ERICH1: variants seen among roughly 807,000 people sequenced by gnomAD.
ERICH1 encodes the protein glutamate rich 1.
Under a neutral mutation model 39.6 loss-of-function variants are expected in ERICH1, and 56 were observed. The observed-to-expected ratio is 1.41, with a 90% CI of 1.14 to 1.77. The LOEUF (loss-of-function observed/expected upper bound fraction) is 1.77, where lower values mean the gene tolerates loss of function less well. ERICH1 is among the 40% of genes most tolerant of loss of function. The pLI is 0.00. For missense variants in ERICH1, 826 were observed against 575.4 expected, an observed-to-expected ratio of 1.44 and a Z score of -4.45; for synonymous variants, 313 against 223.6, an observed-to-expected ratio of 1.40 and a Z score of -3.57.
chr8:647,141 C>T (rs560619758), intron 3 of ERICH1, among the ~76,000 whole-genome samples: 1 of 68,320 alleles, frequency 1.5e-5, no homozygotes, highest in African/African-American at 3.8e-5. Flanking sequence ...CCCTTGGCAG[C>T]GGTTACACGC....
downstream of ERICH1, among the ~76,000 whole-genome samples, chr8:662,947 G>T (rs1489771004): frequency 1.3e-5 from 2 of 152,208 alleles, no homozygotes; most frequent in Admixed American, 1.3e-4. Context: ...AGCGGCGCCT[G>T]CAGCTCCTGC....
rs574366499 is a variant in ERICH1 at position 622,873 on chromosome 8, G to C, written c.977-7589C>G. Among the ~76,000 whole-genome samples, 5 of 151,902 alleles carry C rather than the reference G, an allele frequency of 3.3e-5. No homozygotes were observed. The East Asian group carries it at 5.8e-4, about 18-fold the overall frequency. On this transcript the variant is annotated intron_variant, in intron 3 of 3. Transcript: ENST00000522706. ...CTCAGGATGCTGAGGTGGAAGGATT[G>C]CTTGAGCCCAGGAATTCAAGGCTGC...
At chr8:685,021 C>T (rs916312898) in intron 3 of ERICH1, among the ~76,000 whole-genome samples, 1 of 152,150 alleles carries the variant, frequency 6.6e-6, no homozygotes, top group African/African-American at 2.4e-5. Context: ...AGCAGAGAAC[C>T]GGTCTGACTA....
rs538371098 is a variant in ERICH1 at position 697,795 on chromosome 8, G to C, written c.170-5183C>G. Among the ~76,000 whole-genome samples the C allele has an allele frequency of 1.1e-4, 17 of 152,272 alleles. No homozygotes were observed. The South Asian group carries it at 3.5e-3, about 32-fold the overall frequency. On this transcript the variant is annotated intron_variant, in intron 2 of 5. Coordinates refer to ENST00000262109, the MANE Select transcript of ERICH1 (RefSeq NM_207332.3). ...TCCCTGAGCAGATTCGGGACATGCAGCAGCAGCAGCACGTGGGTCTGAGAG... is the reference window on the plus strand; with the variant it reads ...TCCCTGAGCAGATTCGGGACATGCACCAGCAGCAGCACGTGGGTCTGAGAG...
At chr8:674,622 G>A (rs1467729484) in intron 3 of ERICH1, among the ~76,000 whole-genome samples, 1 of 152,196 alleles carries the variant, frequency 6.6e-6, no homozygotes, top group Non-Finnish European at 1.5e-5. Context: ...CATTTTTATA[G>A]TAAAATTTCA....
intron 1 of ERICH1, among the ~76,000 whole-genome samples, chr8:721,236 A>G (rs1362682782): frequency 6.6e-6 from 1 of 152,260 alleles, no homozygotes; most frequent in Non-Finnish European, 1.5e-5. Context: ...CTGCTAAAAT[A>G]GAAATAATAA....
At chr8:697,074 T>C (rs73178826) in intron 2 of ERICH1, among the ~76,000 whole-genome samples, 33,403 of 152,212 alleles carry the variant, frequency 0.22, 4,436 homozygotes, top group Non-Finnish European at 0.3. Context: ...GCAGCTGGCC[T>C]TACCACTTGC....
chr8:666,361 G>C (rs746703593), intron 5 of ERICH1: 3 of 152,170 alleles, frequency 2.0e-5, no homozygotes, highest in Admixed American at 6.6e-5. Context: ...AATAAAATCA[G>C]CTTTTTTTTG....
At chr8:706,254 T>G (rs1173034727) in intron 2 of ERICH1, among the ~76,000 whole-genome samples, 2 of 152,108 alleles carry the variant, frequency 1.3e-5, no homozygotes, top group Admixed American at 6.5e-5. Context: ...ACAACAAAAA[T>G]GTAAGAGCTA....
chr8:728,441 G>A (rs1013307600), intron 1 of ERICH1, among the ~76,000 whole-genome samples: 7 of 152,162 alleles, frequency 4.6e-5, no homozygotes, highest in African/African-American at 4.8e-5. Context: ...CTCACCCATC[G>A]CAGCAGGCCC....
intron 5 of ERICH1, 72 bp downstream of exon 5, chr8:668,526 G>GT (rs1316341380): frequency 6.5e-7 from 1 of 1,545,130 alleles, no homozygotes; most frequent in Non-Finnish European, 8.9e-7. Context: ...TTGGTGGCGT[G>GT]TAAGTCTTTC....
intron 3 of ERICH1, among the ~76,000 whole-genome samples, chr8:674,819 G>C (rs146645309): frequency 2.5e-4 from 38 of 152,380 alleles, no homozygotes; most frequent in African/African-American, 8.7e-4. Context: ...TGGACTCCAG[G>C]TTGGCAGAAG....
intron 5 of ERICH1, 84 bp from the exon 6 acceptor site, chr8:664,760 T>C: frequency 8.6e-7 from 1 of 1,166,032 alleles, no homozygotes; most frequent in East Asian, 2.4e-5. Flanking sequence ...ACACGAGCCT[T>C]TGGGCCCAAA....
intron 3 of ERICH1, among the ~76,000 whole-genome samples, chr8:674,694 T>A (rs1389065269): frequency 1.3e-5 from 2 of 152,224 alleles, no homozygotes; most frequent in Non-Finnish European, 2.9e-5. Context: ...TTTTAAAAAA[T>A]TTATTTTACA....
intron 4 of ERICH1, among the ~76,000 whole-genome samples, chr8:670,884 G>C (rs1241255744): frequency 1.3e-5 from 2 of 151,106 alleles, no homozygotes; most frequent in Non-Finnish European, 2.9e-5. Flanking sequence ...CGGTCCCCAG[G>C]ATCCAACCTC....
intron 3 of ERICH1, among the ~76,000 whole-genome samples, chr8:677,778 T>C (rs1253502027): frequency 6.6e-6 from 1 of 152,142 alleles, no homozygotes; most frequent in Non-Finnish European, 1.5e-5. Context: ...CATCGAGTGT[T>C]TTCCCACCCA....
intron 3 of ERICH1, among the ~76,000 whole-genome samples, chr8:638,639 G>A (rs1269802992): frequency 6.6e-6 from 1 of 152,168 alleles, no homozygotes; most frequent in East Asian, 1.9e-4. Flanking sequence ...AACAGCTCAT[G>A]ATTCTGCTTG....
chr8:654,063 C>A (rs1800311075), intron 3 of ERICH1, among the ~76,000 whole-genome samples: 1 of 152,054 alleles, frequency 6.6e-6, no homozygotes, highest in Non-Finnish European at 1.5e-5. Flanking sequence ...GAGTTCCTGT[C>A]TGATGGGGAC....
chr8:666,149 A>G (rs1802200338), intron 5 of ERICH1: 1 of 152,256 alleles, frequency 6.6e-6, no homozygotes, highest in Non-Finnish European at 1.5e-5. Flanking sequence ...CTGTGTACAC[A>G]AAACCTGTCT....
Sources: gnomAD v4.1 joint callset for allele counts (sites outside exome capture counted in the v4.1 genomes callset) on GRCh38, gnomAD v4.1.1 for gene constraint, MANE v1.5 for transcripts, NCBI Gene and HGNC (gene_info 2026-07-23, HGNC 2026-07-21) for gene names.